SPIRE1: variants seen among roughly 807,000 people sequenced by gnomAD.
The protein encoded by SPIRE1 is spire type actin nucleation factor 1.
SPIRE1 carries 40 observed loss-of-function variants against 94.1 expected under a neutral mutation model. The observed-to-expected ratio is 0.43, with a 90% confidence interval of 0.33 to 0.55. The LOEUF is 0.55. SPIRE1 is among the 20% of genes least tolerant of loss of function. The pLI, the probability that SPIRE1 is intolerant of heterozygous loss-of-function variation, is 0.06. For missense variants in SPIRE1, 838 were observed against 975.2 expected, an observed-to-expected ratio of 0.86 and a Z score of 1.87; for synonymous variants, 376 against 371.7, an observed-to-expected ratio of 1.01 and a Z score of -0.13.
intron 10 of SPIRE1, 84 bp from the exon 11 acceptor site, chr18:12,465,042 T>C (rs1568186727): frequency 8.4e-7 from 1 of 1,192,654 alleles, no homozygotes; most frequent in Non-Finnish European, 1.2e-6. Flanking sequence ...ATTAAACAGT[T>C]ATTTTAACAT....
At chr18:12,581,045 G>A (rs1161173096) in intron 2 of SPIRE1, among the ~76,000 whole-genome samples, 2 of 152,132 alleles carry the variant, frequency 1.3e-5, no homozygotes, top group Non-Finnish European at 2.9e-5. Flanking sequence ...ACACTGTCTT[G>A]CACATGATAG....
rs578260767 is a variant in SPIRE1 at position 12,593,324 on chromosome 18, CATTT to C, written c.372+41734_372+41737del. 1.2e-4 allele frequency among the ~76,000 whole-genome samples: 18 copies of C among 152,318 alleles called. No homozygotes were observed. In the South Asian group the frequency reaches 2.9e-3, roughly 25 times the overall value. On this transcript the variant is annotated intron_variant, in intron 2 of 16. Coordinates refer to ENST00000409402, the MANE Select transcript of SPIRE1 (RefSeq NM_001128626.2). ...AAGGAATTTAAATAGCAGACCAATT[CATTT>C]GATAATGCAGAATAAATTTACTAAG...
At chr18:12,547,028 C>G (rs2144283474) in intron 2 of SPIRE1, 124 bp from the exon 3 acceptor site, 2 of 602,618 alleles carry the variant, frequency 3.3e-6, no homozygotes, top group Middle Eastern at 2.8e-4. Flanking sequence ...TACACAAACC[C>G]TTTTTATATT....
chr18:12,631,548 CAAAAAAAAAAAAAAAA>C (rs869278182), intron 2 of SPIRE1, among the ~76,000 whole-genome samples: 5 of 63,794 alleles, frequency 7.8e-5, no homozygotes, highest in Middle Eastern at 0.015. Flanking sequence ...CCCATCTCTA[CAAAAAAAAAAAAAAAA>C]AAAAAAAAAA....
intron 4 of SPIRE1, among the ~76,000 whole-genome samples, chr18:12,514,233 C>A (rs528336053): frequency 1.4e-4 from 21 of 152,266 alleles, no homozygotes; most frequent in African/African-American, 5.1e-4. Flanking sequence ...AATATCCAGA[C>A]TGAATCACCT....
intron 8 of SPIRE1, among the ~76,000 whole-genome samples, 153 bp from the exon 9 acceptor site, chr18:12,486,153 A>G (rs1661013439): frequency 6.6e-6 from 1 of 152,246 alleles, no homozygotes; most frequent in Admixed American, 6.5e-5. Flanking sequence ...AATCTGAAAT[A>G]CATTAAAACC....
intron 2 of SPIRE1, among the ~76,000 whole-genome samples, chr18:12,557,665 A>C (rs1056832752): frequency 4.6e-5 from 7 of 152,066 alleles, no homozygotes; most frequent in Non-Finnish European, 8.8e-5. Flanking sequence ...AGGCACCAAG[A>C]GCGAGCAAGG....
At chr18:12,613,964 A>T (rs1423892680) in intron 2 of SPIRE1, among the ~76,000 whole-genome samples, 1 of 151,150 alleles carries the variant, frequency 6.6e-6, no homozygotes, top group South Asian at 2.1e-4. Context: ...GGGTTAGATA[A>T]AATATATTAT....
At chr18:12,661,550 T>C (rs2038695140), upstream of SPIRE1, among the ~76,000 whole-genome samples, 1 of 152,130 alleles carries the variant, frequency 6.6e-6, no homozygotes, top group African/African-American at 2.4e-5. Flanking sequence ...CGCAGGCAGA[T>C]CGCTTGAGGC....
rs58238813 is a variant in SPIRE1 at position 12,597,157 on chromosome 18, TACACACACACACAC to T, written c.372+37891_372+37904del. The stretch of plus-strand genomic sequence containing the variant: ...GCAACTTCCCTCTAGTGTCTCTTTC[TACACACACACACAC>T]ACACACACACACACACACACACACA... On this transcript the variant is annotated intron_variant, in intron 2 of 16. Transcript: ENST00000409402. Among the ~76,000 whole-genome samples the T allele has an allele frequency of 6.7e-3, 966 of 144,196 alleles. 12 individuals carry two copies. Among genetic ancestry groups the T allele is most frequent in the African/African-American group, 0.022 (848 of 38,488 alleles). The allele number at this position is 144,196 out of a possible 152,430, so 94.6% of individuals were successfully genotyped here.
rs926212832 is a variant in SPIRE1, at chr18:12,508,003, G to A, written c.808-1362C>T. 3.9e-5 allele frequency among the ~76,000 whole-genome samples: 6 copies of A among 151,996 alleles called. No individual in the cohort carries two copies. The East Asian group carries it at 5.8e-4, about 15-fold the overall frequency. On this transcript the variant is annotated intron_variant, in intron 5 of 16. Transcript: ENST00000409402. ...CTACTAAAAATACAAAAAATTAGCC[G>A]GGTGTGGTGGCACGTGCCTGTAGTC...
chr18:12,464,972 A>C lies in SPIRE1; in HGVS notation c.1405-14T>G. ...CAGCGTTTCTTCCTGAGCAAAGTACAGGTGGAGAAATCGACTTCTTAGACA... is the reference window on the plus strand; with the variant it reads ...CAGCGTTTCTTCCTGAGCAAAGTACCGGTGGAGAAATCGACTTCTTAGACA... On this transcript the variant is annotated splice_polypyrimidine_tract_variant and intron_variant, in intron 10 of 16. Coordinates refer to ENST00000409402, the MANE Select transcript of SPIRE1 (RefSeq NM_001128626.2). The C allele has an allele frequency of 1.2e-6, 2 of 1,611,882 alleles. No individual in the cohort carries two copies. The highest frequency in any genetic ancestry group is 1.7e-6 in the Non-Finnish European group (2 of 1,178,676).
At position 12,463,389 on chromosome 18, in the gene SPIRE1, G is replaced by A; in HGVS notation, c.1600C>T (p.Gln534Ter). The stretch of plus-strand genomic sequence containing the variant: ...CTCTGCCTGGAAGGCGGCAGGAACT[G>A]CCTCACGTTAGTAGGCGTTTCCTTT... ...IEKETPTNVRQFLPPSRQSSR... is the reference protein window; with the variant it reads ...IEKETPTNVR Residue 534 changes from glutamine to a stop codon, truncating the protein, a stop_gained, in exon 12 of 17, where the codon CAG (glutamine) becomes TAG (stop). Transcript: ENST00000409402. LOFTEE classifies it high-confidence loss of function. 1.2e-6 allele frequency: 2 copies of A among 1,613,926 alleles called. No homozygotes were observed. The highest frequency in any genetic ancestry group is 3.3e-5 in the Admixed American group (2 of 60,022).
At chr18:12,621,807 G>T (rs1239831664) in intron 2 of SPIRE1, among the ~76,000 whole-genome samples, 1 of 151,996 alleles carries the variant, frequency 6.6e-6, no homozygotes, top group Non-Finnish European at 1.5e-5. Context: ...CCGCAAATTG[G>T]GTAAGTGGGT....
At chr18:12,561,349 A>C (rs1031513253) in intron 2 of SPIRE1, among the ~76,000 whole-genome samples, 11 of 151,072 alleles carry the variant, frequency 7.3e-5, no homozygotes, top group African/African-American at 2.7e-4. Context: ...GGCTCACTAC[A>C]ACCTCTGCCT....
At chr18:12,620,089 G>A (rs1048463587) in intron 2 of SPIRE1, among the ~76,000 whole-genome samples, 2 of 152,080 alleles carry the variant, frequency 1.3e-5, no homozygotes, top group African/African-American at 4.8e-5. Context: ...AGAGACAGGA[G>A]GACACCTTGA....
chr18:12,513,617 G>A (rs1317403941), intron 4 of SPIRE1, among the ~76,000 whole-genome samples: 6 of 151,768 alleles, frequency 4.0e-5, no homozygotes, highest in East Asian at 3.9e-4. Context: ...TCTACCTCCC[G>A]GATTCAAGCG....
intron 2 of SPIRE1, among the ~76,000 whole-genome samples, chr18:12,633,394 T>C (rs1205929948): frequency 1.3e-5 from 2 of 152,092 alleles, no homozygotes; most frequent in Admixed American, 6.5e-5. Flanking sequence ...CTGGCCAACA[T>C]GGTAAAACCC....
At chr18:12,646,942 G>C (rs1567989878) in intron 1 of SPIRE1, among the ~76,000 whole-genome samples, 1 of 151,886 alleles carries the variant, frequency 6.6e-6, no homozygotes, top group Non-Finnish European at 1.5e-5. Context: ...TACCATGGAG[G>C]CTGAGGCAGG....
Sources: gnomAD v4.1 joint callset for allele counts (sites outside exome capture counted in the v4.1 genomes callset) on GRCh38, gnomAD v4.1.1 for gene constraint, MANE v1.5 for transcripts, NCBI Gene and HGNC (gene_info 2026-07-23, HGNC 2026-07-21) for gene names.